The following NOS3 variants were observed in gnomAD, a reference collection of about 807,000 sequenced individuals.
NOS3 encodes nitric oxide synthase 3, also known as NOS type III.
In NOS3, 98 loss-of-function variants were observed where a neutral mutation model predicts 144.9. That is an observed-to-expected ratio of 0.68 (90% confidence interval 0.57 to 0.80). NOS3 has a LOEUF of 0.80. NOS3 is among the 30% of genes least tolerant of loss of function. The pLI is 0.00. For synonymous variants in NOS3, 714 were observed against 702.4 expected (o/e 1.02, Z -0.26); for missense variants, 1,465 against 1,656.4 (o/e 0.88, Z 2.01).
chr7:151,011,091 C>G, intron 23 of NOS3, 105 bp downstream of exon 23: 1 of 755,226 alleles, frequency 1.3e-6, no homozygotes, highest in South Asian at 1.6e-5. Flanking sequence ...GGAAGGAGCT[C>G]TGTAACATGT....
At chr7:151,000,692 A>C (rs1436102171) in intron 10 of NOS3, 93 bp downstream of exon 10, 7 of 818,638 alleles carry the variant, frequency 8.6e-6, no homozygotes, top group Non-Finnish European at 1.4e-5. Context: ...TTTAGAAACT[A>C]GGGCAGGATT....
intron 20 of NOS3, 111 bp from the exon 21 acceptor site, chr7:151,010,004 C>G: frequency 2.8e-6 from 2 of 717,892 alleles, no homozygotes; most frequent in South Asian, 3.5e-5. Context: ...GACAGGCCGA[C>G]CCCGCTGCTC....
chr7:151,012,133 T>A (rs1461147761), intron 23 of NOS3: 1 of 512,480 alleles, frequency 2.0e-6, no homozygotes, highest in East Asian at 3.0e-5. Flanking sequence ...TAAGTATTCT[T>A]CAATCCAAAA....
chr7:151,008,871 C>T, intron 17 of NOS3, 59 bp from the exon 18 acceptor site: 6 of 1,529,240 alleles, frequency 3.9e-6, no homozygotes, highest in Non-Finnish European at 5.3e-6. Flanking sequence ...GCCCAGGCGC[C>T]TCACTAGGGC....
intron 17 of NOS3, among the ~76,000 whole-genome samples, chr7:151,008,047 G>A (rs1795233036): frequency 6.6e-6 from 1 of 152,158 alleles, no homozygotes. Flanking sequence ...TGGGAAGAAG[G>A]GAACGGAAAA....
chr7:150,995,421 C>T, intron 3 of NOS3, 107 bp downstream of exon 3: 1 of 689,528 alleles, frequency 1.5e-6, no homozygotes, highest in Non-Finnish European at 2.5e-6. Context: ...GAATTGGTCC[C>T]TTGTTTCCAA....
At chr7:151,006,743 G>A (rs993997816) in intron 15 of NOS3, 146 bp from the exon 16 acceptor site, 1 of 741,754 alleles carries the variant, frequency 1.3e-6, no homozygotes, top group African/African-American at 1.7e-5. Context: ...CGGAACCCCA[G>A]GGATGCTGGC....
chr7:151,011,583 G>T (rs931597013), intron 23 of NOS3, among the ~76,000 whole-genome samples: 1 of 137,734 alleles, frequency 7.3e-6, no homozygotes, highest in Non-Finnish European at 1.6e-5. Flanking sequence ...CTGCACTCCA[G>T]CCTGGGCGAC....
chr7:150,994,946 G>A (rs1012723670), intron 2 of NOS3, among the ~76,000 whole-genome samples: 1 of 152,168 alleles, frequency 6.6e-6, no homozygotes, highest in Non-Finnish European at 1.5e-5. Flanking sequence ...TGAGGTGGGC[G>A]CTGCAGGTGG....
At chr7:151,010,345 C>A (rs1795278358) in intron 21 of NOS3, 58 bp downstream of exon 21, 2 of 1,501,036 alleles carry the variant, frequency 1.3e-6, no homozygotes, top group Admixed American at 2.1e-5. Context: ...GCTGGGGGGA[C>A]CCCAGTGGCA....
At chr7:151,005,486 TGA>T (rs2117125919) in intron 14 of NOS3, among the ~76,000 whole-genome samples, 1 of 152,276 alleles carries the variant, frequency 6.6e-6, no homozygotes, top group Admixed American at 6.5e-5. Flanking sequence ...CTGAAGGAAC[TGA>T]GAGTTTGTCC....
chr7:150,998,920 A>G lies in NOS3; in HGVS notation c.817-26A>G, dbSNP rs1007311. 704,332 of 1,595,936 alleles carry G rather than the reference A, an allele frequency of 0.44. 158,234 individuals carry two copies. The highest frequency in any genetic ancestry group is 0.56 in the African/African-American group (41,513 of 73,982). Reference sequence around the variant, plus strand: ...AGGAGGGCATGAGGCTCAGCCCCAGAACCCCCTCTGGCCCACTCCCCACAG... The same window carrying G: ...AGGAGGGCATGAGGCTCAGCCCCAGGACCCCCTCTGGCCCACTCCCCACAG... On this transcript the variant is annotated intron_variant, in intron 7 of 26. Transcript: ENST00000297494. The surrounding 1 kb of genome is among the most constrained non-coding windows in gnomAD (Gnocchi z 5.0).
At chr7:150,992,913 G>A (rs890770146) in intron 1 of NOS3, among the ~76,000 whole-genome samples, 1 of 152,110 alleles carries the variant, frequency 6.6e-6, no homozygotes, top group African/African-American at 2.4e-5. Flanking sequence ...GAGTGCTGGT[G>A]TACCCCACCT....
intron 9 of NOS3, 80 bp from the exon 10 acceptor site, chr7:151,000,418 C>G (rs1478318872): frequency 1.1e-6 from 1 of 899,848 alleles, no homozygotes; most frequent in Admixed American, 1.8e-5. Flanking sequence ...CAGCCATGTA[C>G]GGGAAACAGA....
In NOS3 at chr7:150,993,965, A is replaced by G. The variant is rs1049777653; in HGVS notation, c.158+4A>G. On this transcript the variant is annotated splice_donor_region_variant and intron_variant, in intron 2 of 26. Coordinates refer to ENST00000297494, the MANE Select transcript of NOS3 (RefSeq NM_000603.5). This position sits in a 1 kb window ranked among gnomAD's most constrained non-coding sequence, Gnocchi z 4.0. ...TCCCACCAGCGCCAGAACACAGGTA[A>G]GGGCCAGGCAGCTAGGAGCAGGTGG... is the stretch of plus-strand genomic sequence containing the variant. The G allele has an allele frequency of 6.4e-7, 1 of 1,555,960 alleles. No homozygotes were observed. The highest frequency in any genetic ancestry group is 8.7e-7 in the Non-Finnish European group (1 of 1,153,680).
chr7:151,007,149 C>T lies in NOS3; in HGVS notation c.1985C>T (p.Ala662Val). Residue 662 changes from alanine to valine, a missense_variant, in exon 17 of 27, where the codon GCC (alanine) becomes GTC (valine). Coordinates refer to ENST00000297494, the MANE Select transcript of NOS3 (RefSeq NM_000603.5). ...LGSRAYPHFCAFARAVDTRLE... is the reference protein window; with the variant it reads ...LGSRAYPHFCVFARAVDTRLE... ...TCCCGGGCATACCCCCACTTCTGCG[C>T]CTTTGCTCGTGCCGTGGACACACGG... is the stretch of plus-strand genomic sequence containing the variant. The T allele has an allele frequency of 6.2e-7, 1 of 1,614,004 alleles. No homozygotes were observed. The highest frequency in any genetic ancestry group is 8.5e-7 in the Non-Finnish European group (1 of 1,179,988).
In NOS3 at chr7:150,993,062, A is replaced by T. The variant is rs770509066; in HGVS notation, c.-51-691A>T. On this transcript the variant is annotated intron_variant, in intron 1 of 26. Transcript: ENST00000297494. The surrounding 1 kb of genome is among the most constrained non-coding windows in gnomAD (Gnocchi z 4.0). Reference sequence around the variant, plus strand: ...CGGGAAGCGTGCGTCACTGAATGACAGGGTGGGGGTGGAGGCACTGGAAGG... The same window carrying T: ...CGGGAAGCGTGCGTCACTGAATGACTGGGTGGGGGTGGAGGCACTGGAAGG... Among the ~76,000 whole-genome samples, 5 of 152,026 alleles carry T rather than the reference A, an allele frequency of 3.3e-5. No homozygotes were observed. Among genetic ancestry groups the T allele is most frequent in the Non-Finnish European group, 5.9e-5 (4 of 68,010 alleles).
In NOS3 at chr7:150,996,823, A is replaced by T. The variant is rs1296645148; in HGVS notation, c.480A>T (p.Thr160=). ...AGGTGGAAGCCGAGGTGGCAGCCAC[A>T]GGCACCTACCAGCTTAGGGAGAGCG... The part of the protein sequence containing the change: ...LQEVEAEVAA[T]GTYQLRESEL... Residue 160 remains threonine, a synonymous_variant, in exon 5 of 27, where the codon ACA becomes ACT. Coordinates refer to ENST00000297494, the MANE Select transcript of NOS3 (RefSeq NM_000603.5). 1.9e-6 allele frequency: 3 copies of T among 1,610,878 alleles called. No individual in the cohort carries two copies. Among genetic ancestry groups the T allele is most frequent in the Non-Finnish European group, 2.5e-6 (3 of 1,179,406 alleles).
In NOS3 at chr7:151,014,487, C is replaced by T. The variant is rs1563239480; in HGVS notation, c.*318C>T. ...CTTGCCTCTCTCAGGAGTATCTTAC[C>T]TGTAAAGTCTAATCTCTAAATCAAG... On this transcript the variant is annotated 3_prime_UTR_variant, in exon 27 of 27. Transcript: ENST00000297494. 2.7e-6 allele frequency: 1 copy of T among 366,958 alleles called. No homozygotes were observed. Among genetic ancestry groups the T allele is most frequent in the South Asian group, 7.6e-5 (1 of 13,128 alleles). 22.7% of individuals were successfully genotyped at this position (366,958 alleles called of 1,614,324 possible).
Sources: gnomAD v4.1 joint callset for allele counts (sites outside exome capture counted in the v4.1 genomes callset) on GRCh38, gnomAD v4.1.1 for gene constraint, Gnocchi (gnomAD v3.1) non-coding constraint, MANE v1.5 for transcripts, NCBI Gene and HGNC (gene_info 2026-07-23, HGNC 2026-07-21) for gene names.